MAP4K5: variants seen among roughly 807,000 people sequenced by gnomAD.
The protein encoded by MAP4K5 is mitogen-activated protein kinase kinase kinase kinase 5.
In MAP4K5, 82 loss-of-function variants were observed where a neutral mutation model predicts 135.6. That is an observed-to-expected ratio of 0.60 (90% CI 0.51 to 0.73). The LOEUF is 0.73. Ranked by LOEUF, MAP4K5 falls within the 30% of genes least tolerant of loss-of-function variation. The probability of loss-of-function intolerance (pLI) is 0.00; values close to 1 mark genes in which losing one functional copy is unlikely to be tolerated. For missense variants in MAP4K5, 907 were observed against 1,010.9 expected (o/e 0.90, Z 1.39); for synonymous variants, 347 against 335.0 (o/e 1.04, Z -0.39).
At chr14:50,550,515 TG>T (rs1566709480) in intron 1 of MAP4K5, among the ~76,000 whole-genome samples, 1 of 152,172 alleles carries the variant, frequency 6.6e-6, no homozygotes, top group Non-Finnish European at 1.5e-5. Flanking sequence ...TGGGATATTC[TG>T]CCTTTTGCCT....
rs533682386 is a variant in MAP4K5, at chr14:50,492,917, C to T, written c.167-6723G>A. On this transcript the variant is annotated intron_variant, in intron 3 of 32. Coordinates refer to ENST00000682126, the MANE Select transcript of MAP4K5 (RefSeq NM_006575.6). ...CGTACGGTGGCTCATGCCTGAAATC[C>T]CCACTATTCAGGAGGCTGGGGTGGG... is the stretch of plus-strand genomic sequence containing the variant. 1.1e-4 allele frequency among the ~76,000 whole-genome samples: 17 copies of T among 151,752 alleles called. No homozygotes were observed. In the East Asian group the frequency reaches 3.1e-3, roughly 28 times the overall value.
rs528975234 is a variant in MAP4K5, at chr14:50,547,699, G to T, written c.-179-5115C>A. Among the ~76,000 whole-genome samples the T allele has an allele frequency of 4.7e-4, 71 of 152,240 alleles. 2 individuals carry two copies. In the South Asian group the frequency reaches 0.014, roughly 30 times the overall value. ...TAGACTACCATGAGCTAAATGAGGT[G>T]GTGCTGCTTGTATCTGCTGCCGTAC... On this transcript the variant is annotated intron_variant, in intron 1 of 8. Coordinates refer to the MAP4K5 transcript ENST00000555216.
upstream of MAP4K5, among the ~76,000 whole-genome samples, chr14:50,533,699 A>G (rs558254337): frequency 2.6e-5 from 4 of 152,312 alleles, no homozygotes; most frequent in Admixed American, 2.6e-4. Flanking sequence ...CAAGTTGGAG[A>G]TGTTGGCTTG....
chr14:50,487,804 C>A (rs984173988), intron 3 of MAP4K5, among the ~76,000 whole-genome samples: 1 of 152,062 alleles, frequency 6.6e-6, no homozygotes, highest in Non-Finnish European at 1.5e-5. Context: ...TGTGTTCACT[C>A]GCGGGCACCA....
At chr14:50,558,227 C>T (rs1043261096) in intron 1 of MAP4K5, among the ~76,000 whole-genome samples, 2 of 152,072 alleles carry the variant, frequency 1.3e-5, no homozygotes, top group Admixed American at 6.6e-5. Context: ...GGCGTGCTGG[C>T]GACCGCCAGT....
At chr14:50,520,578 C>T (rs1429032410) in intron 2 of MAP4K5, among the ~76,000 whole-genome samples, 2 of 152,184 alleles carry the variant, frequency 1.3e-5, no homozygotes, top group Non-Finnish European at 2.9e-5. Flanking sequence ...GCAAACAAAA[C>T]TAGCTAATGC....
intron 2 of MAP4K5, among the ~76,000 whole-genome samples, chr14:50,519,147 ATATG>A (rs2038095397): frequency 6.6e-6 from 1 of 151,878 alleles, no homozygotes; most frequent in African/African-American, 2.4e-5. Context: ...CAAGTATTAA[ATATG>A]TATATTTACT....
chr14:50,537,447 G>A (rs2038508837), upstream of MAP4K5, among the ~76,000 whole-genome samples: 2 of 152,238 alleles, frequency 1.3e-5, no homozygotes, highest in Admixed American at 1.3e-4. Flanking sequence ...AGAGCCCCCA[G>A]ACAGAGTTCC....
intron 1 of MAP4K5, among the ~76,000 whole-genome samples, chr14:50,550,257 G>A (rs558330971): frequency 2.0e-5 from 3 of 152,338 alleles, no homozygotes; most frequent in African/African-American, 7.2e-5. Flanking sequence ...GGTACTGTAA[G>A]CCAGAACTGA....
intron 28 of MAP4K5, among the ~76,000 whole-genome samples, chr14:50,432,879 C>G (rs2036004995): frequency 6.6e-6 from 1 of 151,932 alleles, no homozygotes; most frequent in South Asian, 2.1e-4. Flanking sequence ...TTCTTGTTGC[C>G]CAGGCTGGAG....
chr14:50,498,550 A>AT (rs919835393), intron 3 of MAP4K5, among the ~76,000 whole-genome samples: 2 of 152,112 alleles, frequency 1.3e-5, no homozygotes, highest in African/African-American at 4.8e-5. Flanking sequence ...TTACTGTAGC[A>AT]TTTTTTTGAC....
chr14:50,480,424 C>T (rs1313408312), intron 6 of MAP4K5, among the ~76,000 whole-genome samples: 1 of 149,980 alleles, frequency 6.7e-6, no homozygotes, highest in African/African-American at 2.5e-5. Context: ...TTTTGGTACC[C>T]ATTAACCATC....
chr14:50,556,983 T>C (rs975452763), intron 1 of MAP4K5, among the ~76,000 whole-genome samples: 2 of 152,210 alleles, frequency 1.3e-5, no homozygotes, highest in Admixed American at 1.3e-4. Flanking sequence ...TGTGGACATA[T>C]ATTGTAATTT....
In MAP4K5 at chr14:50,485,535, A is replaced by T. The variant is rs761076928; in HGVS notation, c.322+43T>A. On this transcript the variant is annotated intron_variant, in intron 5 of 32. Transcript: ENST00000682126. ...CTGGAAATATCGAACAACAATCATT[A>T]AAACCAAAGTCTGTTTAAAATGTAA... The T allele has an allele frequency of 1.1e-5, 14 of 1,279,552 alleles. No individual in the cohort carries two copies. In the Admixed American group the frequency reaches 1.8e-4, roughly 16 times the overall value. The allele number at this position is 1,279,552 out of a possible 1,614,324, so 79.3% of individuals were successfully genotyped here. A position where few individuals can be genotyped will look rare whatever the true frequency, so the allele number is the denominator to read the frequency against.
chr14:50,446,858 C>T (rs1595447297), intron 16 of MAP4K5, among the ~76,000 whole-genome samples: 1 of 152,152 alleles, frequency 6.6e-6, no homozygotes, highest in African/African-American at 2.4e-5. Context: ...ATTTATGACA[C>T]TGAAATTTGA....
chr14:50,443,926 C>T lies in MAP4K5; in HGVS notation c.1437+13G>A. On this transcript the variant is annotated intron_variant, in intron 19 of 32. Transcript: ENST00000682126. ...TTATTTACAACTAATTGCTAAATGC[C>T]TGTTATACCTACAGGGAAGTCTCGT... 2 of 1,584,508 alleles carry T rather than the reference C, an allele frequency of 1.3e-6. No homozygotes were observed. The highest frequency in any genetic ancestry group is 1.1e-5 in the South Asian group (1 of 88,208).
At chr14:50,448,652 A>C in intron 15 of MAP4K5, 122 bp downstream of exon 15, 1 of 575,712 alleles carries the variant, frequency 1.7e-6, no homozygotes, top group South Asian at 2.6e-5. Flanking sequence ...ATACGGGAAA[A>C]ATTGTCAAAA....
At chr14:50,474,935 C>A in intron 9 of MAP4K5, 142 bp downstream of exon 9, 2 of 684,176 alleles carry the variant, frequency 2.9e-6, no homozygotes, top group Middle Eastern at 3.9e-4. Context: ...AGTTCCCTAA[C>A]CCAAACAGAA....
At chr14:50,429,413 T>C (rs1231168291) in intron 28 of MAP4K5, among the ~76,000 whole-genome samples, 153 bp from the exon 29 acceptor site, 3 of 152,180 alleles carry the variant, frequency 2.0e-5, no homozygotes, top group Admixed American at 6.5e-5. Flanking sequence ...AAAAAATGCA[T>C]GTAAATCAAT....
Sources: allele counts gnomAD v4.1 joint callset (sites outside exome capture counted in the v4.1 genomes callset), GRCh38; gene constraint gnomAD v4.1.1; transcripts MANE v1.5; gene names NCBI Gene and HGNC (gene_info 2026-07-23, HGNC 2026-07-21).